The following PDGFRA variants were observed in gnomAD, a reference collection of about 807,000 sequenced individuals.
PDGFRA encodes platelet-derived growth factor receptor alpha.
PDGFRA carries 25 observed loss-of-function variants against 121.5 expected under a neutral mutation model. That is an observed-to-expected ratio of 0.21 (90% CI 0.15 to 0.29). PDGFRA has a LOEUF of 0.29. Ranked by LOEUF, PDGFRA falls within the 10% of genes least tolerant of loss-of-function variation. PDGFRA has a pLI of 1.00. For synonymous variants in PDGFRA, 463 were observed against 494.8 expected, an observed-to-expected ratio of 0.94 and a Z score of 0.85; for missense variants, 1,008 against 1,345.1, an observed-to-expected ratio of 0.75 and a Z score of 3.92.
At chr4:54,286,466 C>G (rs976555016) in intron 18 of PDGFRA, among the ~76,000 whole-genome samples, 3 of 151,986 alleles carry the variant, frequency 2.0e-5, no homozygotes, top group Non-Finnish European at 4.4e-5. Context: ...AAGCAATTCT[C>G]CTGCCTTAGC....
intron 12 of PDGFRA, chr4:54,277,057 G>A (rs1451537430): frequency 1.5e-5 from 6 of 396,030 alleles, no homozygotes; most frequent in African/African-American, 4.1e-5. Context: ...AGGAGGTGTG[G>A]GTGAGAGCCC....
intron 8 of PDGFRA, among the ~76,000 whole-genome samples, chr4:54,271,947 T>TCCTC: frequency 3.9e-5 from 2 of 51,142 alleles, no homozygotes; most frequent in Non-Finnish European, 7.5e-5. Flanking sequence ...CTTCCTTCCT[T>TCCTC]CCTTCATTCT....
chr4:54,230,768 C>T (rs1403017220), intron 1 of PDGFRA, among the ~76,000 whole-genome samples: 4 of 152,208 alleles, frequency 2.6e-5, no homozygotes, highest in Non-Finnish European at 5.9e-5. Context: ...TTTTCCATTC[C>T]TCTCCCTGCC....
At chr4:54,286,742 A>G (rs567833883) in intron 18 of PDGFRA, among the ~76,000 whole-genome samples, 1 of 152,172 alleles carries the variant, frequency 6.6e-6, no homozygotes, top group Non-Finnish European at 1.5e-5. Context: ...TTAAGCTTTT[A>G]TCAGATTTTC....
At chr4:54,291,263 T>C (rs947772415) in intron 22 of PDGFRA, among the ~76,000 whole-genome samples, 2 of 152,142 alleles carry the variant, frequency 1.3e-5, no homozygotes, top group Non-Finnish European at 2.9e-5. Context: ...CCTAGACACC[T>C]TATCATTTCA....
intron 19 of PDGFRA, 73 bp downstream of exon 19, chr4:54,287,614 CCCCAGGATGTAGACAGTGTTA>C (rs1724421033): frequency 1.3e-6 from 1 of 785,080 alleles, no homozygotes; most frequent in Non-Finnish European, 2.4e-6. Context: ...TTCTTTCAAG[CCCCAGGATGTAGACAGTGTTA>C]AGATAACCTG....
chr4:54,266,640 C>T (rs899277543), intron 5 of PDGFRA, among the ~76,000 whole-genome samples: 2 of 152,128 alleles, frequency 1.3e-5, no homozygotes, highest in African/African-American at 4.8e-5. Flanking sequence ...CATTCTTTAT[C>T]CTTCAGCAGT....
Position 54,267,746 on chromosome 4 carries a change from A to G in PDGFRA, c.1121+5A>G, listed in dbSNP as rs878854818. On this transcript the variant is annotated splice_donor_5th_base_variant and intron_variant, in intron 7 of 22. Coordinates refer to ENST00000257290, the MANE Select transcript of PDGFRA (RefSeq NM_006206.6). ...GGAAAAGATTCAGGAAATAAGGTAA[A>G]GAAACTCTCTGCCCAAGTATGCCTT... is the stretch of plus-strand genomic sequence containing the variant. 6.2e-7 allele frequency: 1 copy of G among 1,612,660 alleles called. No homozygotes were observed. The highest frequency in any genetic ancestry group is 8.5e-7 in the Non-Finnish European group (1 of 1,178,770).
chr4:54,271,160 T>C (rs527921574), intron 8 of PDGFRA, among the ~76,000 whole-genome samples: 1 of 152,284 alleles, frequency 6.6e-6, no homozygotes, highest in South Asian at 2.1e-4. Context: ...CAGATGACCT[T>C]AGATTGTTCT....
chr4:54,229,966 G>A lies in PDGFRA; in HGVS notation c.-13+551G>A, dbSNP rs1258549961. The A allele has an allele frequency of 2.6e-5, 4 of 151,682 alleles. No individual in the cohort carries two copies. In the South Asian group the frequency reaches 6.3e-4, roughly 24 times the overall value. The allele number at this position is 151,682 out of a possible 1,614,324, so 9.4% of individuals were successfully genotyped here. A position where few individuals can be genotyped will look rare whatever the true frequency, so the allele number is the denominator to read the frequency against. Reference sequence around the variant, plus strand: ...TGGGGAGAGGGGAGCGTGGAGGGGAGCGTGGAGGGGGGCGCGCGAAGGGGT... The same window carrying A: ...TGGGGAGAGGGGAGCGTGGAGGGGAACGTGGAGGGGGGCGCGCGAAGGGGT... On this transcript the variant is annotated intron_variant, in intron 1 of 22. Coordinates refer to ENST00000257290, the MANE Select transcript of PDGFRA (RefSeq NM_006206.6).
At chr4:54,243,523 T>A (rs1350939241) in intron 1 of PDGFRA, 2 of 152,206 alleles carry the variant, frequency 1.3e-5, no homozygotes, top group African/African-American at 2.4e-5. Context: ...ATATGAAAGA[T>A]TAACATTTTA....
chr4:54,280,593 A>T, intron 16 of PDGFRA, 111 bp downstream of exon 16: 1 of 846,694 alleles, frequency 1.2e-6, no homozygotes, highest in Non-Finnish European at 1.9e-6. Context: ...CTGGCAGCCC[A>T]CGTGGTCTCT....
At chr4:54,236,674 G>C (rs1215596932) in intron 1 of PDGFRA, among the ~76,000 whole-genome samples, 3 of 152,034 alleles carry the variant, frequency 2.0e-5, no homozygotes, top group Admixed American at 1.3e-4. Context: ...ATGATGGTGG[G>C]CACCTGTAAT....
At chr4:54,279,689 T>C (rs1303456550) in intron 15 of PDGFRA, among the ~76,000 whole-genome samples, 1 of 152,174 alleles carries the variant, frequency 6.6e-6, no homozygotes, top group East Asian at 1.9e-4. Context: ...TTTGTAGTCT[T>C]TTATCCCTCA....
chr4:54,246,515 C>G (rs958622399), intron 1 of PDGFRA, among the ~76,000 whole-genome samples: 2 of 152,052 alleles, frequency 1.3e-5, no homozygotes, highest in East Asian at 3.8e-4. Flanking sequence ...TTCTTTGAAC[C>G]GACGAGAACA....
chr4:54,291,521 G>GA (rs36057018), intron 22 of PDGFRA, among the ~76,000 whole-genome samples: 113,521 of 152,066 alleles, frequency 0.75, 44,466 homozygotes, highest in Middle Eastern at 0.89. Flanking sequence ...ACAAGCATAT[G>GA]AAAAAATGCT....
At chr4:54,264,471 C>T (rs1722924234) in intron 4 of PDGFRA, 2 of 248,936 alleles carry the variant, frequency 8.0e-6, no homozygotes, top group South Asian at 1.0e-4. Flanking sequence ...TTGTGCCAGG[C>T]ACTGTGCTAG....
At chr4:54,231,554 G>A (rs1456457114) in intron 1 of PDGFRA, among the ~76,000 whole-genome samples, 1 of 152,188 alleles carries the variant, frequency 6.6e-6, no homozygotes, top group Non-Finnish European at 1.5e-5. Flanking sequence ...CCTGGACCCC[G>A]GCACTGCTGA....
intron 1 of PDGFRA, among the ~76,000 whole-genome samples, chr4:54,252,565 G>A (rs905958241): frequency 6.6e-6 from 1 of 152,152 alleles, no homozygotes; most frequent in South Asian, 2.1e-4. Context: ...GCTGAAGTTA[G>A]GAGACTGAGT....
Sources: gnomAD v4.1 joint callset for allele counts (sites outside exome capture counted in the v4.1 genomes callset) on GRCh38, gnomAD v4.1.1 for gene constraint, MANE v1.5 for transcripts, NCBI Gene and HGNC (gene_info 2026-07-23, HGNC 2026-07-21) for gene names.